The following CCDC175 variants were observed in gnomAD, a reference collection of about 807,000 sequenced individuals.
CCDC175 encodes the protein coiled-coil domain containing 175, also known as coiled-coil domain-containing protein 175.
A neutral mutation model predicts 114.6 loss-of-function variants in CCDC175; 100 were observed. That is an observed-to-expected ratio of 0.87 (90% confidence interval 0.74 to 1.03). CCDC175 has a LOEUF of 1.03. CCDC175 is among the 50% of genes least tolerant of loss of function. CCDC175 has a pLI of 0.00. For synonymous variants in CCDC175, 306 were observed against 308.7 expected, an observed-to-expected ratio of 0.99 and a Z score of 0.09; for missense variants, 880 against 917.8, an observed-to-expected ratio of 0.96 and a Z score of 0.53.
chr14:59,526,555 CA>C (rs34795667), intron 15 of CCDC175, among the ~76,000 whole-genome samples: 1,916 of 141,990 alleles, frequency 0.013, 29 homozygotes, highest in African/African-American at 0.045. Context: ...GACTCCATCT[CA>C]AAAAAAAAAA....
At chr14:59,526,158 T>A (rs1008908643) in intron 15 of CCDC175, among the ~76,000 whole-genome samples, 1 of 152,196 alleles carries the variant, frequency 6.6e-6, no homozygotes, top group African/African-American at 2.4e-5. Context: ...CAGTTCTCTA[T>A]TATTATACTA....
At chr14:59,513,019 A>T (rs1892841179) in intron 17 of CCDC175, among the ~76,000 whole-genome samples, 1 of 152,232 alleles carries the variant, frequency 6.6e-6, no homozygotes, top group South Asian at 2.1e-4. Flanking sequence ...CATTTAGAAT[A>T]AAGGAACAAC....
At chr14:59,523,398 C>G (rs748627650) in intron 16 of CCDC175, among the ~76,000 whole-genome samples, 1 of 152,064 alleles carries the variant, frequency 6.6e-6, no homozygotes, top group African/African-American at 2.4e-5. Context: ...AATTACCCAG[C>G]GAGGTGAAGG....
intron 5 of CCDC175, 36 bp from the exon 6 acceptor site, chr14:59,563,895 C>G (rs549577428): frequency 3.1e-6 from 4 of 1,304,618 alleles, no homozygotes; most frequent in South Asian, 2.1e-5. Flanking sequence ...ATTTAAAAAG[C>G]CTATTAGCAC....
At chr14:59,513,234 C>T (rs537526171) in intron 17 of CCDC175, among the ~76,000 whole-genome samples, 39 of 152,296 alleles carry the variant, frequency 2.6e-4, no homozygotes, top group East Asian at 5.8e-4. Flanking sequence ...CAGCTCCCAA[C>T]GTCAGCGACG....
chr14:59,541,514 G>A (rs1894785803), intron 10 of CCDC175, among the ~76,000 whole-genome samples: 1 of 152,100 alleles, frequency 6.6e-6, no homozygotes, highest in Non-Finnish European at 1.5e-5. Flanking sequence ...CTTAGAATAG[G>A]AAACACTCTT....
chr14:59,521,742 C>T, intron 16 of CCDC175, 66 bp from the exon 17 acceptor site: 1 of 890,910 alleles, frequency 1.1e-6, no homozygotes. Flanking sequence ...ATCATGTAGT[C>T]ATTCAGCAAA....
At chr14:59,542,494 G>A (rs1361471715) in intron 10 of CCDC175, among the ~76,000 whole-genome samples, 1 of 152,030 alleles carries the variant, frequency 6.6e-6, no homozygotes, top group Non-Finnish European at 1.5e-5. Context: ...AGTCATATGG[G>A]TAGAGAGAGA....
At chr14:59,570,350 T>C (rs1566640179) in intron 3 of CCDC175, among the ~76,000 whole-genome samples, 1 of 152,112 alleles carries the variant, frequency 6.6e-6, no homozygotes, top group Non-Finnish European at 1.5e-5. Context: ...CTGAACATTG[T>C]GCCAGCTGGT....
chr14:59,526,775 A>G (rs1893764919), intron 15 of CCDC175, among the ~76,000 whole-genome samples: 1 of 152,204 alleles, frequency 6.6e-6, no homozygotes, highest in African/African-American at 2.4e-5. Flanking sequence ...TAACTTATAA[A>G]TAAGAAAACC....
chr14:59,567,226 A>AC (rs1330377657), intron 4 of CCDC175, among the ~76,000 whole-genome samples: 6 of 152,234 alleles, frequency 3.9e-5, no homozygotes, highest in Non-Finnish European at 8.8e-5. Flanking sequence ...CGCACCACAC[A>AC]CAAATCTGTA....
At chr14:59,547,596 G>A (rs34482538) in intron 8 of CCDC175, among the ~76,000 whole-genome samples, 1 of 152,162 alleles carries the variant, frequency 6.6e-6, no homozygotes, top group Non-Finnish European at 1.5e-5. Context: ...ATGTAGTGAA[G>A]GAAAGGATTG....
intron 7 of CCDC175, among the ~76,000 whole-genome samples, chr14:59,557,357 A>G (rs1297753428): frequency 1.3e-5 from 2 of 151,516 alleles, no homozygotes; most frequent in Non-Finnish European, 2.9e-5. Context: ...TCAGCAAACT[A>G]TCGCAAGGAC....
intron 11 of CCDC175, among the ~76,000 whole-genome samples, chr14:59,539,984 T>A (rs983979005): frequency 2.0e-5 from 3 of 151,984 alleles, no homozygotes; most frequent in African/African-American, 7.3e-5. Flanking sequence ...GGCATGAGAA[T>A]CGCTTGAACC....
At position 59,563,737 on chromosome 14, in the gene CCDC175, C is replaced by T. The variant is rs1450482803; in HGVS notation, c.843G>A (p.Ala281=). The change falls in exon 6 of 20, where the codon GCG becomes GCA. Residue 281 remains alanine (A), a splice_region_variant and synonymous_variant. Transcript: ENST00000537690. ...ATATATATAGTTTATTCTTTCTTAC[C>T]GCTGCGGAAACAGTAACTGTTTCTT... is the stretch of plus-strand genomic sequence containing the variant. The part of the protein sequence containing the change: ...KIKETVTVSA[A]VLSDHNLEIA... 6 of 1,397,086 alleles carry T rather than the reference C, an allele frequency of 4.3e-6. No individual in the cohort carries two copies. The highest frequency in any genetic ancestry group is 1.6e-5 in the South Asian group (1 of 61,724). The allele number at this position is 1,397,086 out of a possible 1,614,324, so 86.5% of individuals were successfully genotyped here.
chr14:59,521,587 T>C lies in CCDC175; in HGVS notation c.2085A>G (p.Leu695=), dbSNP rs1893431362. Residue 695 remains leucine, a synonymous_variant, in exon 17 of 20, where the codon CTA becomes CTG. Transcript: ENST00000537690. ...MHTSSDLSRQ[L]IAQEAQYKDL... ...CACATTACTTACCCTCCTGAGCTATTAGTTGCCGAGACAAGTCGCTTGAGG... is the reference window on the plus strand; with the variant it reads ...CACATTACTTACCCTCCTGAGCTATCAGTTGCCGAGACAAGTCGCTTGAGG... The C allele has an allele frequency of 1.3e-6, 2 of 1,529,342 alleles. No homozygotes were observed. The highest frequency in any genetic ancestry group is 1.4e-5 in the African/African-American group (1 of 72,820). The allele number at this position is 1,529,342 out of a possible 1,614,324, so 94.7% of individuals were successfully genotyped here.
At chr14:59,512,070 T>A (rs1892788820) in intron 17 of CCDC175, among the ~76,000 whole-genome samples, 1 of 152,102 alleles carries the variant, frequency 6.6e-6, no homozygotes, top group Non-Finnish European at 1.5e-5. Context: ...AGGAGGTGGG[T>A]CCTGCAATCA....
intron 17 of CCDC175, among the ~76,000 whole-genome samples, chr14:59,513,235 G>A (rs2882168): frequency 0.12 from 17,833 of 152,164 alleles, 1,215 homozygotes; most frequent in African/African-American, 0.18. Context: ...AGCTCCCAAC[G>A]TCAGCGACGC....
intron 7 of CCDC175, among the ~76,000 whole-genome samples, chr14:59,554,666 T>G (rs1448357159): frequency 6.6e-6 from 1 of 152,072 alleles, no homozygotes; most frequent in Admixed American, 6.5e-5. Flanking sequence ...AAAAAATCAA[T>G]GAATCCAGGA....
Sources: allele counts gnomAD v4.1 joint callset (sites outside exome capture counted in the v4.1 genomes callset), GRCh38; gene constraint gnomAD v4.1.1; transcripts MANE v1.5; gene names NCBI Gene and HGNC (gene_info 2026-07-23, HGNC 2026-07-21).